Variants in SH3GL3 observed in about 807,000 individuals in gnomAD.
The protein encoded by SH3GL3 is SH3 domain containing GRB2 like 3, endophilin A3.
Under a neutral mutation model 47.7 loss-of-function variants are expected in SH3GL3, and 33 were observed. That is an observed-to-expected ratio of 0.69 (90% confidence interval 0.52 to 0.92). The LOEUF (loss-of-function observed/expected upper bound fraction) is 0.92, where lower values mean the gene tolerates loss of function less well. Among genes scored for constraint, SH3GL3 ranks in the 40% least tolerant of loss-of-function variants. The pLI is 0.00. For synonymous variants in SH3GL3, 155 were observed against 148.8 expected, an observed-to-expected ratio of 1.04 and a Z score of -0.30; for missense variants, 363 against 417.8, an observed-to-expected ratio of 0.87 and a Z score of 1.14.
At chr15:83,517,780 A>C (rs1424635892) in intron 1 of SH3GL3, among the ~76,000 whole-genome samples, 1 of 152,044 alleles carries the variant, frequency 6.6e-6, no homozygotes. Context: ...CAGGGGGTAC[A>C]TGTGCAGGTT....
chr15:83,608,435 A>G lies in SH3GL3; in HGVS notation c.839-9647A>G, dbSNP rs184831850. 2.2e-4 allele frequency among the ~76,000 whole-genome samples: 33 copies of G among 152,342 alleles called. 1 individual carries two copies. The East Asian group carries it at 6.2e-3, about 28-fold the overall frequency. ...CAATATGTTAGAGATGTTGAACTAG[A>G]TAGTGTCTGTGGTATCTATCAGCAT... is the stretch of plus-strand genomic sequence containing the variant. On this transcript the variant is annotated intron_variant, in intron 8 of 8. Transcript: ENST00000427482.
At position 83,618,279 on chromosome 15, in the gene SH3GL3, C is replaced by T. The variant is rs754191417; in HGVS notation, c.1036C>T (p.Pro346Ser). The T allele has an allele frequency of 1.3e-6, 2 of 1,595,330 alleles. No individual in the cohort carries two copies. The highest frequency in any genetic ancestry group is 1.7e-4 in the Middle Eastern group (1 of 6,036). ...TTACGTGGAAGTGATCGTGCCTTTA[C>T]CTCAGTAAATGTGTAACACAAACTC... ...INYVEVIVPL[P>S]Q The change falls in exon 9 of 9, where the codon CCT (proline) becomes TCT (serine). Residue 346 changes from proline (P) to serine (S), a missense_variant. By Grantham distance (74) the Pro-to-Ser change is moderately conservative. Coordinates refer to ENST00000427482, the MANE Select transcript of SH3GL3 (RefSeq NM_003027.5).
chr15:83,516,476 G>T (rs1249184303), intron 1 of SH3GL3, among the ~76,000 whole-genome samples: 1 of 152,176 alleles, frequency 6.6e-6, no homozygotes, highest in Non-Finnish European at 1.5e-5. Flanking sequence ...TAAGAAAAGA[G>T]ATTTAATTGG....
intron 1 of SH3GL3, among the ~76,000 whole-genome samples, chr15:83,450,438 T>C (rs143687802): frequency 0.011 from 1,736 of 152,194 alleles, 16 homozygotes; most frequent in Non-Finnish European, 0.015. Flanking sequence ...CAAACTGAGA[T>C]AGTTTTCTGA....
intron 1 of SH3GL3, among the ~76,000 whole-genome samples, chr15:83,482,533 G>GC: frequency 6.7e-6 from 1 of 149,328 alleles, no homozygotes; most frequent in East Asian, 2.0e-4. Context: ...CGCTCTTGTT[G>GC]CCCAGGCTGG....
In SH3GL3 at chr15:83,588,749, C is replaced by T. The variant is rs758060215; in HGVS notation, c.816C>T (p.Thr272=). ...RSSSELNGVS[T]TSVVKTTGSN... ...CTAGTGAGCTCAATGGAGTTTCCAC[C>T]ACCTCTGTAGTGAAGACGACAGGTA... Residue 272 remains threonine (T), a synonymous_variant, in exon 8 of 9, where the codon ACC becomes ACT. Transcript: ENST00000427482. 4.4e-6 allele frequency: 7 copies of T among 1,603,118 alleles called. No individual in the cohort carries two copies. Among genetic ancestry groups the T allele is most frequent in the Non-Finnish European group, 6.0e-6 (7 of 1,170,136 alleles).
intron 1 of SH3GL3, among the ~76,000 whole-genome samples, chr15:83,527,809 A>G (rs570245061): frequency 2.0e-5 from 3 of 151,946 alleles, no homozygotes; most frequent in African/African-American, 7.2e-5. Flanking sequence ...AGTGTTTATC[A>G]TTGCCACTTG....
Position 83,447,512 on chromosome 15 carries a change from G to GC in SH3GL3, c.-18dup. Reference sequence around the variant, plus strand: ...CCCAGCCGAGCCTTGAGACCACCCCGCCCCTGCCGGTCGCAGTCGCGATGT... The same window carrying GC: ...CCCAGCCGAGCCTTGAGACCACCCCGCCCCCTGCCGGTCGCAGTCGCGATGT... On this transcript the variant is annotated 5_prime_UTR_variant, in exon 1 of 9. Coordinates refer to ENST00000427482, the MANE Select transcript of SH3GL3 (RefSeq NM_003027.5). The surrounding 1 kb of genome is among the most constrained non-coding windows in gnomAD (Gnocchi z 5.1). 1 of 1,496,788 alleles carries GC rather than the reference G, an allele frequency of 6.7e-7. No individual in the cohort carries two copies. The allele number at this position is 1,496,788 out of a possible 1,614,324, so 92.7% of individuals were successfully genotyped here. A position where few individuals can be genotyped will look rare whatever the true frequency, so the allele number is the denominator to read the frequency against.
At chr15:83,472,902 T>G (rs77187723) in intron 1 of SH3GL3, among the ~76,000 whole-genome samples, 1 of 152,040 alleles carries the variant, frequency 6.6e-6, no homozygotes, top group Non-Finnish European at 1.5e-5. Flanking sequence ...GTGGGGGAAG[T>G]CTCCTCTCAG....
intron 1 of SH3GL3, among the ~76,000 whole-genome samples, chr15:83,529,748 G>A (rs1400619929): frequency 6.6e-6 from 1 of 151,996 alleles, no homozygotes; most frequent in African/African-American, 2.4e-5. Flanking sequence ...TAGTGGGAGT[G>A]ACCCTAGGCA....
intron 1 of SH3GL3, among the ~76,000 whole-genome samples, chr15:83,458,901 A>G (rs2040133258): frequency 6.6e-6 from 1 of 152,220 alleles, no homozygotes; most frequent in Non-Finnish European, 1.5e-5. Flanking sequence ...GGAGTTTATT[A>G]AGGAGTATTG....
intron 1 of SH3GL3, among the ~76,000 whole-genome samples, chr15:83,482,330 C>T (rs2041394622): frequency 6.6e-6 from 1 of 152,212 alleles, no homozygotes; most frequent in African/African-American, 2.4e-5. Flanking sequence ...GTTTTTGTCA[C>T]AAATTAAATC....
At chr15:83,599,151 A>G (rs908754724) in intron 8 of SH3GL3, among the ~76,000 whole-genome samples, 3 of 152,042 alleles carry the variant, frequency 2.0e-5, no homozygotes, top group Non-Finnish European at 2.9e-5. Context: ...GAGAATTTCA[A>G]CTTCCCATGT....
At chr15:83,460,331 T>C (rs1427474596) in intron 1 of SH3GL3, among the ~76,000 whole-genome samples, 1 of 151,912 alleles carries the variant, frequency 6.6e-6, no homozygotes, top group African/African-American at 2.4e-5. Flanking sequence ...CTTTAATTTT[T>C]CTAAAAGCCA....
At position 83,579,404 on chromosome 15, in the gene SH3GL3, G is replaced by A. The variant is rs544590254; in HGVS notation, c.624+2663G>A. On this transcript the variant is annotated intron_variant, in intron 6 of 8. Coordinates refer to ENST00000427482, the MANE Select transcript of SH3GL3 (RefSeq NM_003027.5). ...GGGGTCTTCACCTTCACAAGGAGGG[G>A]TTGTCTGGCTTCTACTTCTGCCATT... Among the ~76,000 whole-genome samples the A allele has an allele frequency of 2.0e-5, 3 of 152,188 alleles. No homozygotes were observed. In the East Asian group the frequency reaches 5.8e-4, roughly 29 times the overall value.
chr15:83,504,551 A>G (rs576703196), intron 1 of SH3GL3, among the ~76,000 whole-genome samples: 2 of 152,328 alleles, frequency 1.3e-5, no homozygotes, highest in Admixed American at 6.5e-5. Flanking sequence ...GCCAGTTGCC[A>G]TGTCTTGACG....
intron 8 of SH3GL3, among the ~76,000 whole-genome samples, chr15:83,596,118 C>T (rs918952190): frequency 5.9e-5 from 9 of 152,104 alleles, no homozygotes; most frequent in African/African-American, 2.2e-4. Flanking sequence ...CTTTTGATAA[C>T]CTCTTTAACT....
chr15:83,537,459 T>G (rs2043964318), intron 1 of SH3GL3, among the ~76,000 whole-genome samples: 1 of 152,196 alleles, frequency 6.6e-6, no homozygotes, highest in Admixed American at 6.5e-5. Flanking sequence ...ATAATCCACA[T>G]TTTGTAGATA....
At chr15:83,474,168 T>G (rs1347010402) in intron 1 of SH3GL3, among the ~76,000 whole-genome samples, 2 of 152,226 alleles carry the variant, frequency 1.3e-5, no homozygotes, top group African/African-American at 2.4e-5. Context: ...CGGATGTTAC[T>G]GTCTGATAAT....
Sources: gnomAD v4.1 joint callset for allele counts (sites outside exome capture counted in the v4.1 genomes callset) on GRCh38, gnomAD v4.1.1 for gene constraint, Gnocchi (gnomAD v3.1) non-coding constraint, MANE v1.5 for transcripts, NCBI Gene and HGNC (gene_info 2026-07-23, HGNC 2026-07-21) for gene names.